The following PARD3 variants were observed in gnomAD, a reference collection of about 807,000 sequenced individuals.
The protein encoded by PARD3 is par-3 family cell polarity regulator.
A neutral mutation model predicts 155.4 loss-of-function variants in PARD3; 75 were observed. That is an observed-to-expected ratio of 0.48 (90% CI 0.40 to 0.58). The LOEUF (loss-of-function observed/expected upper bound fraction) is 0.58, where lower values mean the gene tolerates loss of function less well. PARD3 is among the 20% of genes least tolerant of loss of function. The pLI is 0.00. For synonymous variants in PARD3, 576 were observed against 610.5 expected, an observed-to-expected ratio of 0.94 and a Z score of 0.83; for missense variants, 1,642 against 1,721.7, an observed-to-expected ratio of 0.95 and a Z score of 0.82.
chr10:34,571,322 C>G (rs1323047042), intron 2 of PARD3, among the ~76,000 whole-genome samples: 1 of 152,026 alleles, frequency 6.6e-6, no homozygotes, highest in African/African-American at 2.4e-5. Context: ...TTAAAAACAA[C>G]AAGACAAAAC....
At chr10:34,594,583 T>C (rs1253254856) in intron 2 of PARD3, among the ~76,000 whole-genome samples, 1 of 152,006 alleles carries the variant, frequency 6.6e-6, no homozygotes, top group African/African-American at 2.4e-5. Context: ...TGAAAAGTCC[T>C]GAAGGTAGAG....
In PARD3 at chr10:34,417,788, C is replaced by A. The variant is rs372501414; in HGVS notation, c.715-15871G>T. On this transcript the variant is annotated intron_variant, in intron 5 of 24. Transcript: ENST00000374788. Reference sequence around the variant, plus strand: ...TCAATGTGGTACAAAGAGAAATACCCTTCCTTAACCAAATTACCAATGTGA... The same window carrying A: ...TCAATGTGGTACAAAGAGAAATACCATTCCTTAACCAAATTACCAATGTGA... Among the ~76,000 whole-genome samples the A allele has an allele frequency of 9.3e-4, 142 of 152,264 alleles. 1 individual carries two copies. The South Asian group carries it at 0.029, about 31-fold the overall frequency.
At chr10:34,247,779 T>C (rs1289767923) in intron 22 of PARD3, among the ~76,000 whole-genome samples, 1 of 152,238 alleles carries the variant, frequency 6.6e-6, no homozygotes, top group Non-Finnish European at 1.5e-5. Flanking sequence ...GGTGGTATTC[T>C]GACTCAGAAT....
chr10:34,532,356 G>A (rs2082918790), intron 2 of PARD3, among the ~76,000 whole-genome samples: 2 of 152,086 alleles, frequency 1.3e-5, no homozygotes, highest in South Asian at 4.1e-4. Flanking sequence ...GTACACCCAA[G>A]CAGTTCAAAC....
intron 20 of PARD3, among the ~76,000 whole-genome samples, chr10:34,297,809 C>G (rs1482020705): frequency 1.3e-5 from 2 of 152,228 alleles, no homozygotes; most frequent in Non-Finnish European, 2.9e-5. Context: ...AGCTGCTCAC[C>G]CAACATCCAT....
intron 5 of PARD3, among the ~76,000 whole-genome samples, chr10:34,436,206 G>A (rs2076178538): frequency 6.6e-6 from 1 of 152,190 alleles, no homozygotes; most frequent in Admixed American, 6.5e-5. Flanking sequence ...TGCTCTAACA[G>A]AGCAAGAAGA....
chr10:34,223,662 T>TG (rs1952435570), intron 22 of PARD3, among the ~76,000 whole-genome samples: 2 of 152,232 alleles, frequency 1.3e-5, no homozygotes. Context: ...AGAAATTGTA[T>TG]GGGCTTAGCA....
chr10:34,517,304 A>C, intron 2 of PARD3, 145 bp from the exon 3 acceptor site: 1 of 656,034 alleles, frequency 1.5e-6, no homozygotes, highest in Non-Finnish European at 2.4e-6. Context: ...GAAAAACCTC[A>C]AAGAAACAGT....
intron 16 of PARD3, among the ~76,000 whole-genome samples, chr10:34,337,791 T>C (rs751989649): frequency 3.9e-5 from 6 of 152,204 alleles, no homozygotes; most frequent in Admixed American, 1.3e-4. Flanking sequence ...ATATATTATA[T>C]ACAAACACTA....
intron 20 of PARD3, among the ~76,000 whole-genome samples, chr10:34,307,744 T>C (rs1402436161): frequency 6.6e-6 from 1 of 152,102 alleles, no homozygotes. Context: ...CTGAAGGGGT[T>C]TGGCAATGGG....
At chr10:34,257,385 T>C (rs1001542855) in intron 22 of PARD3, among the ~76,000 whole-genome samples, 9 of 152,214 alleles carry the variant, frequency 5.9e-5, no homozygotes, top group African/African-American at 2.2e-4. Context: ...GTTTGTACTG[T>C]CTAAAGGACA....
intron 22 of PARD3, among the ~76,000 whole-genome samples, chr10:34,236,365 GA>G (rs1355305366): frequency 1.3e-5 from 2 of 152,200 alleles, no homozygotes; most frequent in Non-Finnish European, 2.9e-5. Context: ...AGGGCTGCCT[GA>G]CCGGGACTAC....
Position 34,798,907 on chromosome 10 carries a change from G to A in PARD3, c.120+15969C>T, listed in dbSNP as rs545601457. Among the ~76,000 whole-genome samples the A allele has an allele frequency of 2.8e-4, 43 of 151,906 alleles. 1 individual carries two copies. Among genetic ancestry groups the A allele is most frequent in the African/African-American group, 7.8e-4 (32 of 41,192 alleles). ...GCCTGGGCCAGGAGTCCTCCAACCCGGCTGCACAGACAACCACCTGAAGAG... is the reference window on the plus strand; with the variant it reads ...GCCTGGGCCAGGAGTCCTCCAACCCAGCTGCACAGACAACCACCTGAAGAG... On this transcript the variant is annotated intron_variant, in intron 1 of 24. Coordinates refer to ENST00000374788, the MANE Select transcript of PARD3 (RefSeq NM_001184785.2).
In PARD3 at chr10:34,637,895, G is replaced by A. The variant is rs201474729; in HGVS notation, c.222+58423C>T. Among the ~76,000 whole-genome samples, 18 of 152,188 alleles carry A rather than the reference G, an allele frequency of 1.2e-4. No homozygotes were observed. The East Asian group carries it at 2.7e-3, about 23-fold the overall frequency. ...GGCGTGAAATATATTCAAAAGCCAG[G>A]TATACAAGCATGTTTACACAGTACT... On this transcript the variant is annotated intron_variant, in intron 2 of 24. Transcript: ENST00000374788.
At chr10:34,442,171 C>G (rs2076498132) in intron 5 of PARD3, among the ~76,000 whole-genome samples, 1 of 152,092 alleles carries the variant, frequency 6.6e-6, no homozygotes. Flanking sequence ...TTATTTTTAA[C>G]CAAATAATAT....
At chr10:34,813,441 G>C (rs1188729335) in intron 1 of PARD3, among the ~76,000 whole-genome samples, 1 of 152,064 alleles carries the variant, frequency 6.6e-6, no homozygotes, top group South Asian at 2.1e-4. Context: ...CATTTAGATG[G>C]TTTTCTTTCC....
intron 1 of PARD3, among the ~76,000 whole-genome samples, chr10:34,762,728 C>T (rs761744774): frequency 5.3e-5 from 8 of 152,282 alleles, no homozygotes; most frequent in Non-Finnish European, 1.2e-4. Context: ...ATGACTGTTG[C>T]TGATGAAGAA....
intron 24 of PARD3, among the ~76,000 whole-genome samples, chr10:34,113,496 A>AACACAC (rs58408464): frequency 7.4e-5 from 11 of 148,122 alleles, no homozygotes; most frequent in Admixed American, 1.4e-4. Flanking sequence ...ATAAGACAGA[A>AACACAC]ACACACACAC....
At chr10:34,763,411 C>T (rs149690734) in intron 1 of PARD3, among the ~76,000 whole-genome samples, 36 of 152,258 alleles carry the variant, frequency 2.4e-4, no homozygotes, top group African/African-American at 8.7e-4. Context: ...GGCAATGCCA[C>T]CCACCTGCAT....
Sources: allele counts gnomAD v4.1 joint callset (sites outside exome capture counted in the v4.1 genomes callset), GRCh38; gene constraint gnomAD v4.1.1; transcripts MANE v1.5; gene names NCBI Gene and HGNC (gene_info 2026-07-23, HGNC 2026-07-21).